ADAM11: variants seen among roughly 807,000 people sequenced by gnomAD.
The protein encoded by ADAM11 is ADAM metallopeptidase domain 11.
ADAM11 carries 49 observed loss-of-function variants against 119.1 expected under a neutral mutation model. The ratio of observed to expected loss-of-function variants is 0.41; its 90% CI spans 0.33 to 0.52. The LOEUF (loss-of-function observed/expected upper bound fraction) is 0.52, where lower values mean the gene tolerates loss of function less well. Among genes scored for constraint, ADAM11 ranks in the 20% least tolerant of loss-of-function variants. The probability of loss-of-function intolerance (pLI) is 0.20; values close to 1 mark genes in which losing one functional copy is unlikely to be tolerated. For missense variants in ADAM11, 777 were observed against 1,047.5 expected, an observed-to-expected ratio of 0.74 and a Z score of 3.56; for synonymous variants, 364 against 408.0, an observed-to-expected ratio of 0.89 and a Z score of 1.30.
In ADAM11 at chr17:44,780,209, C is replaced by T. The variant is rs148345610; in HGVS notation, c.*455C>T. 51 of 460,440 alleles carry T rather than the reference C, an allele frequency of 1.1e-4. No homozygotes were observed. The East Asian group carries it at 3.0e-3, about 28-fold the overall frequency. The allele number at this position is 460,440 out of a possible 1,614,324, so 28.5% of individuals were successfully genotyped here. ...ACATTTTTTAAAACTGAATCTTAAT[C>T]GATGAATGTAAACTCGGGGGTGCTG... On this transcript the variant is annotated 3_prime_UTR_variant, in exon 27 of 27. Transcript: ENST00000200557.
Position 44,770,065 on chromosome 17 carries a change from G to A in ADAM11, c.381+17G>A, listed in dbSNP as rs778414763. On this transcript the variant is annotated intron_variant, in intron 4 of 26. Transcript: ENST00000200557. The stretch of plus-strand genomic sequence containing the variant: ...CACAGCACCGTGAGTGCCACTGCAG[G>A]GGACCGGGGCCGGGGATGGAAGGGA... 1 of 1,613,614 alleles carries A rather than the reference G, an allele frequency of 6.2e-7. No individual in the cohort carries two copies. Among genetic ancestry groups the A allele is most frequent in the South Asian group, 1.1e-5 (1 of 91,066 alleles).
At position 44,759,044 on chromosome 17, in the gene ADAM11, C is replaced by G. The variant is rs944648655; in HGVS notation, c.-156C>G. On this transcript the variant is annotated 5_prime_UTR_variant, in exon 1 of 27. Transcript: ENST00000200557. ...GCGGCCGGAGCGCGCTGAGCCCCGG[C>G]GCCGTCCCTGCCGCCCCCACCTCTC... 1 of 203,408 alleles carries G rather than the reference C, an allele frequency of 4.9e-6. No homozygotes were observed. Among genetic ancestry groups the G allele is most frequent in the African/African-American group, 2.4e-5 (1 of 41,918 alleles). 12.6% of individuals were successfully genotyped at this position (203,408 alleles called of 1,614,324 possible).
Position 44,771,575 on chromosome 17 carries a change from C to T in ADAM11, c.382-9C>T, listed in dbSNP as rs757738487. 5.0e-6 allele frequency: 8 copies of T among 1,610,940 alleles called. No homozygotes were observed. Among genetic ancestry groups the T allele is most frequent in the Non-Finnish European group, 6.8e-6 (8 of 1,179,396 alleles). On this transcript the variant is annotated splice_polypyrimidine_tract_variant and intron_variant, in intron 4 of 26. Transcript: ENST00000200557. ...TGCCAGCGTTCTGCTCACTGTTCTG[C>T]TCCTTCAGGGGGCTGGAGACCACTG...
Position 44,780,050 on chromosome 17 carries a change from C to T in ADAM11, c.*296C>T. 1.5e-6 allele frequency: 1 copy of T among 687,034 alleles called. No individual in the cohort carries two copies. The highest frequency in any genetic ancestry group is 1.5e-5 in the South Asian group (1 of 66,672). 42.6% of individuals were successfully genotyped at this position (687,034 alleles called of 1,614,324 possible). ...TTCCACCTCATGGATTGCCACAGCT[C>T]AACTCGGGGGCGCCTGGAGGGATGC... On this transcript the variant is annotated 3_prime_UTR_variant, in exon 27 of 27. Coordinates refer to ENST00000200557, the MANE Select transcript of ADAM11 (RefSeq NM_002390.6).
At chr17:44,779,116 C>T (rs758476103) in intron 25 of ADAM11, 106 bp from the exon 26 acceptor site, 13 of 1,462,140 alleles carry the variant, frequency 8.9e-6, no homozygotes, top group East Asian at 7.9e-5. Context: ...ACCCCGGCCC[C>T]GCTCTGGGGC....
In ADAM11 at chr17:44,759,803, C is replaced by T. The variant is rs755448877; in HGVS notation, c.143C>T (p.Thr48Met). The change falls in exon 2 of 27, where the codon ACG (threonine) becomes ATG (methionine). Residue 48 changes from threonine to methionine, a missense_variant. Physicochemically the swap from Thr to Met is moderately conservative, Grantham distance 81. This residue lies in a region of ADAM11 where 278 missense variants were observed against 310.1 expected (regional missense o/e 0.90). Coordinates refer to ENST00000200557, the MANE Select transcript of ADAM11 (RefSeq NM_002390.6). ...GGAGGCCCAGGAGCCCCTGAGGTCA[C>T]GGAACCCAGCCGTCTGGTTAGGGAG... ...QLGGPGAPEV[T>M]EPSRLVRESS... The T allele has an allele frequency of 2.3e-6, 3 of 1,319,842 alleles. No homozygotes were observed. Among genetic ancestry groups the T allele is most frequent in the African/African-American group, 3.0e-5 (2 of 66,450 alleles). 81.8% of individuals were successfully genotyped at this position (1,319,842 alleles called of 1,614,324 possible). A position where few individuals can be genotyped will look rare whatever the true frequency, so the allele number is the denominator to read the frequency against.
chr17:44,762,143 C>A (rs1210128230), intron 2 of ADAM11, among the ~76,000 whole-genome samples: 1 of 152,068 alleles, frequency 6.6e-6, no homozygotes, highest in Admixed American at 6.5e-5. Flanking sequence ...TTTTGTCAGC[C>A]CCATTTTACA....
chr17:44,778,103 CT>C, intron 24 of ADAM11, 37 bp downstream of exon 24: 1 of 1,611,350 alleles, frequency 6.2e-7, no homozygotes, highest in Non-Finnish European at 8.5e-7. Context: ...TCTGTCTGTC[CT>C]GCTCTCTATG....
chr17:44,762,247 C>A (rs899857628), intron 2 of ADAM11, among the ~76,000 whole-genome samples: 2 of 152,328 alleles, frequency 1.3e-5, no homozygotes, highest in African/African-American at 4.8e-5. Context: ...CACACCAGGG[C>A]ACTTCCCAGT....
intron 26 of ADAM11, 88 bp from the exon 27 acceptor site, chr17:44,779,651 G>A: frequency 6.5e-7 from 1 of 1,531,070 alleles, no homozygotes; most frequent in Non-Finnish European, 8.7e-7. Context: ...TGCCTCCAGG[G>A]CCCAGCACTG....
chr17:44,774,172 TA>T, intron 11 of ADAM11, 122 bp from the exon 12 acceptor site: 1 of 556,824 alleles, frequency 1.8e-6, no homozygotes, highest in Non-Finnish European at 3.1e-6. Flanking sequence ...AAGGCTGATG[TA>T]AAGGGCCAGG....
Position 44,780,205 on chromosome 17 carries a change from T to G in ADAM11, c.*451T>G. ...ATCTACATTTTTTAAAACTGAATCT[T>G]AATCGATGAATGTAAACTCGGGGGT... On this transcript the variant is annotated 3_prime_UTR_variant, in exon 27 of 27. Coordinates refer to ENST00000200557, the MANE Select transcript of ADAM11 (RefSeq NM_002390.6). The G allele has an allele frequency of 2.2e-6, 1 of 464,686 alleles. No homozygotes were observed. Among genetic ancestry groups the G allele is most frequent in the Non-Finnish European group, 4.2e-6 (1 of 238,814 alleles). The allele number at this position is 464,686 out of a possible 1,614,324, so 28.8% of individuals were successfully genotyped here. A position where few individuals can be genotyped will look rare whatever the true frequency, so the allele number is the denominator to read the frequency against.
In ADAM11 at chr17:44,778,079, C is replaced by T; in HGVS notation, c.2185+13C>T. On this transcript the variant is annotated intron_variant, in intron 24 of 26. Transcript: ENST00000200557. ...GAGAGATATAAAGGTGAGGCTGGAG[C>T]TGGCCGAGGGGGGTCTGTCTGTCCT... 1 of 1,607,424 alleles carries T rather than the reference C, an allele frequency of 6.2e-7. No homozygotes were observed. Among genetic ancestry groups the T allele is most frequent in the Non-Finnish European group, 8.5e-7 (1 of 1,177,720 alleles).
In ADAM11 at chr17:44,776,110, G is replaced by A. The variant is rs369884693; in HGVS notation, c.1486-17G>A. On this transcript the variant is annotated splice_polypyrimidine_tract_variant and intron_variant, in intron 17 of 26. Transcript: ENST00000200557. This position sits in a 1 kb window ranked among gnomAD's most constrained non-coding sequence, Gnocchi z 5.2. ...GCATCCATCCTGCCTGACTCGAGGA[G>A]CGCGTCTCTTCCCTAGTACGAACCA... 4 of 1,613,234 alleles carry A rather than the reference G, an allele frequency of 2.5e-6. No homozygotes were observed. The highest frequency in any genetic ancestry group is 3.4e-6 in the Non-Finnish European group (4 of 1,179,784).
intron 2 of ADAM11, among the ~76,000 whole-genome samples, chr17:44,760,672 G>T (rs2049378479): frequency 1.3e-5 from 2 of 152,196 alleles, no homozygotes; most frequent in Admixed American, 1.3e-4. Flanking sequence ...CAAAGGCCCG[G>T]CACAAACAGG....
Position 44,772,578 on chromosome 17 carries a change from G to T in ADAM11, c.678+112G>T. The T allele has an allele frequency of 7.4e-7, 1 of 1,355,694 alleles. No individual in the cohort carries two copies. The highest frequency in any genetic ancestry group is 1.5e-5 in the African/African-American group (1 of 68,448). The allele number at this position is 1,355,694 out of a possible 1,614,324, so 84.0% of individuals were successfully genotyped here. A position where few individuals can be genotyped will look rare whatever the true frequency, so the allele number is the denominator to read the frequency against. On this transcript the variant is annotated intron_variant, in intron 8 of 26. Coordinates refer to ENST00000200557, the MANE Select transcript of ADAM11 (RefSeq NM_002390.6). This position sits in a 1 kb window ranked among gnomAD's most constrained non-coding sequence, Gnocchi z 4.5. ...TCATCTATGGCTGGGGCGAAGGAAG[G>T]CTCAGATGGATGTGGCTGGGGGCCA...
Position 44,773,197 on chromosome 17 carries a change from G to T in ADAM11, c.826-64G>T, listed in dbSNP as rs1264898097. 5 of 1,598,696 alleles carry T rather than the reference G, an allele frequency of 3.1e-6. No homozygotes were observed. Among genetic ancestry groups the T allele is most frequent in the African/African-American group, 1.3e-5 (1 of 74,422 alleles). ...CCCACTTCCTGGAGAGAACAGACAG[G>T]CCCTCCTCCAGCCCTGGCCCCAACA... is the stretch of plus-strand genomic sequence containing the variant. On this transcript the variant is annotated intron_variant, in intron 10 of 26. Transcript: ENST00000200557. This position sits in a 1 kb window ranked among gnomAD's most constrained non-coding sequence, Gnocchi z 4.6.
At position 44,771,637 on chromosome 17, in the gene ADAM11, C is replaced by G; in HGVS notation, c.435C>G (p.Ser145=). 1 of 1,611,008 alleles carries G rather than the reference C, an allele frequency of 6.2e-7. No homozygotes were observed. The highest frequency in any genetic ancestry group is 1.3e-5 in the African/African-American group (1 of 74,878). Residue 145 remains serine (S), a synonymous_variant, in exon 5 of 27, where the codon TCC becomes TCG. Coordinates refer to ENST00000200557, the MANE Select transcript of ADAM11 (RefSeq NM_002390.6). ...GGAAGCTCCGGGGGAACCCGCACTC[C>G]TTCGCCGCCCTCTCCACCTGCCAGG... The part of the protein sequence containing the change: ...YQGKLRGNPH[S]FAALSTCQGL...
intron 25 of ADAM11, among the ~76,000 whole-genome samples, chr17:44,778,645 CGCACCATT>C (rs1193025704): frequency 3.9e-4 from 52 of 131,934 alleles, no homozygotes; most frequent in Non-Finnish European, 9.2e-5. Flanking sequence ...GAGCTGAGAT[CGCACCATT>C]GCACTCCAGC....
Sources: gnomAD v4.1 joint callset for allele counts (sites outside exome capture counted in the v4.1 genomes callset) on GRCh38, gnomAD v4.1.1 for gene constraint, gnomAD v4.1.1 regional missense constraint, Gnocchi (gnomAD v3.1) non-coding constraint, MANE v1.5 for transcripts, NCBI Gene and HGNC (gene_info 2026-07-23, HGNC 2026-07-21) for gene names.